Variants in ATP2C1 observed in about 807,000 individuals in gnomAD.
The protein encoded by ATP2C1 is ATPase secretory pathway Ca2+ transporting 1, also known as calcium-transporting ATPase type 2C member 1.
Under a neutral mutation model 120.5 loss-of-function variants are expected in ATP2C1, and 31 were observed. The ratio of observed to expected loss-of-function variants is 0.26; its 90% CI spans 0.19 to 0.35. ATP2C1 has a LOEUF of 0.35. Among genes scored for constraint, ATP2C1 ranks in the 10% least tolerant of loss-of-function variants. The pLI is 1.00. For synonymous variants in ATP2C1, 351 were observed against 358.7 expected (o/e 0.98, Z 0.24); for missense variants, 731 against 1,107.5 (o/e 0.66, Z 4.83).
At chr3:130,994,580 T>A (rs2062512866) in intron 22 of ATP2C1, among the ~76,000 whole-genome samples, 1 of 152,182 alleles carries the variant, frequency 6.6e-6, no homozygotes, top group African/African-American at 2.4e-5. Context: ...TTCCAGTTGA[T>A]TTAAGACTCC....
intron 20 of ATP2C1, among the ~76,000 whole-genome samples, chr3:130,992,386 C>T (rs2062398308): frequency 6.6e-6 from 1 of 152,058 alleles, no homozygotes; most frequent in South Asian, 2.1e-4. Flanking sequence ...GATTTTAGAT[C>T]AGGAGATGGG....
At chr3:130,970,615 A>T (rs2061266394) in intron 17 of ATP2C1, among the ~76,000 whole-genome samples, 1 of 152,004 alleles carries the variant, frequency 6.6e-6, no homozygotes, top group South Asian at 2.1e-4. Context: ...GCTGGTCTTG[A>T]ACCCCTGGAC....
intron 8 of ATP2C1, among the ~76,000 whole-genome samples, chr3:130,951,859 T>G (rs1202385328): frequency 6.6e-6 from 1 of 152,204 alleles, no homozygotes; most frequent in Non-Finnish European, 1.5e-5. Flanking sequence ...TATCTAAACT[T>G]CTGGGAAATG....
At chr3:130,853,109 G>A (rs932261003) in intron 1 of ATP2C1, among the ~76,000 whole-genome samples, 5 of 152,078 alleles carry the variant, frequency 3.3e-5, no homozygotes, top group African/African-American at 1.2e-4. Flanking sequence ...CATTATTAGA[G>A]TTTATTTAGA....
intron 2 of ATP2C1, among the ~76,000 whole-genome samples, chr3:130,909,219 A>G (rs1353794137): frequency 2.0e-5 from 3 of 152,072 alleles, no homozygotes; most frequent in Non-Finnish European, 4.4e-5. Flanking sequence ...ATCCCTCTGG[A>G]TTTTGCCAGA....
At chr3:130,970,803 T>C (rs1283651836) in intron 17 of ATP2C1, among the ~76,000 whole-genome samples, 1 of 152,120 alleles carries the variant, frequency 6.6e-6, no homozygotes, top group African/African-American at 2.4e-5. Context: ...TACGTCTCTA[T>C]AGAAAACAGG....
chr3:130,855,850 T>G (rs1030261278), intron 1 of ATP2C1: 1 of 152,244 alleles, frequency 6.6e-6, no homozygotes, highest in East Asian at 1.9e-4. Context: ...GCCTCGCCAG[T>G]CTGAATCCCC....
chr3:130,857,125 C>A (rs186567371), intron 1 of ATP2C1, among the ~76,000 whole-genome samples: 19 of 152,250 alleles, frequency 1.2e-4, no homozygotes, highest in African/African-American at 4.1e-4. Flanking sequence ...AAAAGTGGAA[C>A]TATTTTATTA....
At chr3:130,938,369 T>G (rs1576795684) in intron 6 of ATP2C1, among the ~76,000 whole-genome samples, 1 of 152,242 alleles carries the variant, frequency 6.6e-6, no homozygotes, top group Non-Finnish European at 1.5e-5. Flanking sequence ...TGTAATATTG[T>G]TGCATAAGCC....
chr3:130,915,118 A>T (rs1439370537), intron 2 of ATP2C1, among the ~76,000 whole-genome samples: 5 of 150,412 alleles, frequency 3.3e-5, no homozygotes, highest in Non-Finnish European at 7.4e-5. Flanking sequence ...CCTTGAGACG[A>T]TGTTTCACTC....
At chr3:130,886,685 C>T (rs762936832) in intron 1 of ATP2C1, among the ~76,000 whole-genome samples, 3 of 152,040 alleles carry the variant, frequency 2.0e-5, no homozygotes, top group Non-Finnish European at 4.4e-5. Flanking sequence ...AGAAGTTTTG[C>T]TTCTTTTTAA....
intron 26 of ATP2C1, among the ~76,000 whole-genome samples, chr3:131,011,480 A>C (rs1046007670): frequency 2.0e-5 from 3 of 152,244 alleles, no homozygotes; most frequent in Non-Finnish European, 4.4e-5. Flanking sequence ...AAAGAGCAGG[A>C]CCTAATCACT....
At chr3:130,912,769 C>T (rs1274172449) in intron 2 of ATP2C1, among the ~76,000 whole-genome samples, 1 of 150,486 alleles carries the variant, frequency 6.6e-6, no homozygotes, top group Admixed American at 6.6e-5. Context: ...ACCCAAATGA[C>T]TATAAATCAT....
intron 1 of ATP2C1, among the ~76,000 whole-genome samples, chr3:130,871,936 T>C (rs62280753): frequency 0.1 from 15,202 of 151,422 alleles, 873 homozygotes; most frequent in Non-Finnish European, 0.13. Context: ...GCTGGAGAAT[T>C]GCTTGAACCT....
chr3:130,973,278 G>A (rs1443167877), intron 17 of ATP2C1, among the ~76,000 whole-genome samples: 1 of 152,110 alleles, frequency 6.6e-6, no homozygotes, highest in East Asian at 1.9e-4. Context: ...AAGCAGAGTG[G>A]GGTGAGGGAT....
At position 131,002,818 on chromosome 3, in the gene ATP2C1, T is replaced by C; in HGVS notation, c.*1468T>C. 1 of 985,744 alleles carries C rather than the reference T, an allele frequency of 1.0e-6. No individual in the cohort carries two copies. Among genetic ancestry groups the C allele is most frequent in the Non-Finnish European group, 1.2e-6 (1 of 829,910 alleles). 61.1% of individuals were successfully genotyped at this position (985,744 alleles called of 1,614,324 possible). A position where few individuals can be genotyped will look rare whatever the true frequency, so the allele number is the denominator to read the frequency against. ...ATAGGGAAAATATCTATTCTTTGAG[T>C]CATTGTTACTGAGGCAGTTGAGTGT... On this transcript the variant is annotated 3_prime_UTR_variant, in exon 28 of 28. Coordinates refer to ENST00000510168, the MANE Select transcript of ATP2C1 (RefSeq NM_001378687.1).
chr3:130,973,076 C>A (rs2061401046), intron 17 of ATP2C1, among the ~76,000 whole-genome samples: 1 of 147,706 alleles, frequency 6.8e-6, no homozygotes, highest in Admixed American at 6.8e-5. Flanking sequence ...AGGTAAAAAT[C>A]AAAACAAATA....
intron 2 of ATP2C1, among the ~76,000 whole-genome samples, chr3:130,924,302 A>G (rs1341015174): frequency 6.6e-6 from 1 of 152,132 alleles, no homozygotes; most frequent in Non-Finnish European, 1.5e-5. Flanking sequence ...TGTTTGTCTG[A>G]TAAAGACTTT....
chr3:130,952,908 G>A (rs1213349783), intron 8 of ATP2C1, among the ~76,000 whole-genome samples: 1 of 152,208 alleles, frequency 6.6e-6, no homozygotes, highest in Non-Finnish European at 1.5e-5. Context: ...TTCTGAGGTA[G>A]TGGATGTGAT....
Sources: gnomAD v4.1 joint callset for allele counts (sites outside exome capture counted in the v4.1 genomes callset) on GRCh38, gnomAD v4.1.1 for gene constraint, MANE v1.5 for transcripts, NCBI Gene and HGNC (gene_info 2026-07-23, HGNC 2026-07-21) for gene names.